Variants in OSBP2 observed in about 807,000 individuals in gnomAD.
OSBP2 encodes oxysterol binding protein 2.
In OSBP2, 66 loss-of-function variants were observed where a neutral mutation model predicts 96.0. That is an observed-to-expected ratio of 0.69 (90% CI 0.56 to 0.84). The LOEUF (loss-of-function observed/expected upper bound fraction) is 0.84, where lower values mean the gene tolerates loss of function less well. OSBP2 is among the 40% of genes least tolerant of loss of function. The pLI is 0.00. For synonymous variants in OSBP2, 525 were observed against 520.9 expected (o/e 1.01, Z -0.11); for missense variants, 1,038 against 1,222.7 (o/e 0.85, Z 2.25).
chr22:30,882,506 T>TTA (rs35296175), intron 3 of OSBP2, among the ~76,000 whole-genome samples: 2 of 142,430 alleles, frequency 1.4e-5, no homozygotes, highest in East Asian at 4.1e-4. Context: ...ATGCACACTA[T>TTA]AAAAAAAAAA....
intron 2 of OSBP2, among the ~76,000 whole-genome samples, chr22:30,843,447 C>CCG (rs1555919389): frequency 1.7e-5 from 2 of 117,822 alleles, no homozygotes; most frequent in East Asian, 2.2e-4. Flanking sequence ...GAATCTTTCC[C>CCG]CCCTCCCCCT....
chr22:30,838,642 AT>A (rs766019190), intron 2 of OSBP2, among the ~76,000 whole-genome samples: 1 of 151,980 alleles, frequency 6.6e-6, no homozygotes. Flanking sequence ...GTTCCCTTTT[AT>A]TCCTAGTTTT....
At chr22:30,840,873 G>A (rs1848322642) in intron 2 of OSBP2, among the ~76,000 whole-genome samples, 1 of 151,690 alleles carries the variant, frequency 6.6e-6, no homozygotes, top group South Asian at 2.1e-4. Context: ...CATTTAAAGT[G>A]TACAACGTGG....
At position 30,881,254 on chromosome 22, in the gene OSBP2, C is replaced by G. The variant is rs2039696665; in HGVS notation, c.1108-6172C>G. Among the ~76,000 whole-genome samples, 1 of 152,194 alleles carries G rather than the reference C, an allele frequency of 6.6e-6. No homozygotes were observed. The highest frequency in any genetic ancestry group is 6.5e-5 in the Admixed American group (1 of 15,288). ...CAGGGCCAGGACACTGGAACTCTGT[C>G]CCCACGCTGAGGACAATCAACCTGA... On this transcript the variant is annotated intron_variant, in intron 3 of 13. Transcript: ENST00000332585. The surrounding 1 kb of genome is among the most constrained non-coding windows in gnomAD (Gnocchi z 4.5).
At position 30,881,673 on chromosome 22, in the gene OSBP2, C is replaced by T; in HGVS notation, c.1108-5753C>T. 7.7e-7 allele frequency: 1 copy of T among 1,304,086 alleles called. No homozygotes were observed. The highest frequency in any genetic ancestry group is 1.0e-6 in the Non-Finnish European group (1 of 988,892). The allele number at this position is 1,304,086 out of a possible 1,614,324, so 80.8% of individuals were successfully genotyped here. On this transcript the variant is annotated intron_variant, in intron 3 of 13. Coordinates refer to ENST00000332585, the MANE Select transcript of OSBP2 (RefSeq NM_030758.4). The surrounding 1 kb of genome is among the most constrained non-coding windows in gnomAD (Gnocchi z 4.5). Reference sequence around the variant, plus strand: ...AGCTTATCAAGCACACAGCACACAGCCCAGCTCAGCATTCTGAGAACAGCA... The same window carrying T: ...AGCTTATCAAGCACACAGCACACAGTCCAGCTCAGCATTCTGAGAACAGCA...
At chr22:30,895,049 C>A (rs943690707) in intron 12 of OSBP2, among the ~76,000 whole-genome samples, 1 of 152,070 alleles carries the variant, frequency 6.6e-6, no homozygotes, top group African/African-American at 2.4e-5. Flanking sequence ...GCTGAATAAA[C>A]AAGAATAACG....
intron 2 of OSBP2, among the ~76,000 whole-genome samples, chr22:30,865,318 T>A (rs535707839): frequency 1.1e-4 from 17 of 152,186 alleles, no homozygotes; most frequent in African/African-American, 4.1e-4. Flanking sequence ...GCCTCTATGA[T>A]TTGAAGTAAA....
chr22:30,741,118 G>A, intron 1 of OSBP2, 43 bp from the exon 2 acceptor site: 1 of 1,479,374 alleles, frequency 6.8e-7, no homozygotes, highest in South Asian at 1.2e-5. Context: ...TGGAGCCATT[G>A]AGATTAGGAG....
Position 30,726,906 on chromosome 22 carries a change from C to T in OSBP2, c.645-14255C>T, listed in dbSNP as rs547971273. Reference sequence around the variant, plus strand: ...GTAGAGGCTTCTATTTGATGGGCAGCGGCTGACATTTGTGATGTTGAGCAT... The same window carrying T: ...GTAGAGGCTTCTATTTGATGGGCAGTGGCTGACATTTGTGATGTTGAGCAT... On this transcript the variant is annotated intron_variant, in intron 1 of 13. Transcript: ENST00000332585. 3.3e-5 allele frequency among the ~76,000 whole-genome samples: 5 copies of T among 152,252 alleles called. No individual in the cohort carries two copies. In the South Asian group the frequency reaches 8.3e-4, roughly 25 times the overall value.
chr22:30,894,008 A>AGGG lies in OSBP2; in HGVS notation c.2375+8_2375+10dup. On this transcript the variant is annotated splice_region_variant and intron_variant, in intron 12 of 13. Coordinates refer to ENST00000332585, the MANE Select transcript of OSBP2 (RefSeq NM_030758.4). ...GGAAGAAGTACCCGCTGCCGTGAGTAGGGCTGGCAGGGGCCCCGCCACAGG... is the reference window on the plus strand; with the variant it reads ...GGAAGAAGTACCCGCTGCCGTGAGTAGGGGGGCTGGCAGGGGCCCCGCCACAGG... 1 of 1,579,992 alleles carries AGGG rather than the reference A, an allele frequency of 6.3e-7. No individual in the cohort carries two copies.
rs1280670039 is a variant in OSBP2 at position 30,889,213 on chromosome 22, G to A, written c.1455G>A (p.Val485=). ...AAGGTAGCACCGGGACAAGTTCCGT[G>A]GACTGGAGCTCAGCAGACAATGTAA... ...KAEGSTGTSS[V]DWSSADNVLD... The change falls in exon 6 of 14, where the codon GTG becomes GTA. Residue 485 remains valine, a synonymous_variant. Transcript: ENST00000332585. 1.9e-6 allele frequency: 3 copies of A among 1,613,404 alleles called. No homozygotes were observed. The East Asian group carries it at 6.7e-5, about 36-fold the overall frequency.
intron 1 of OSBP2, among the ~76,000 whole-genome samples, chr22:30,710,653 C>T (rs1277112314): frequency 6.6e-6 from 1 of 151,934 alleles, no homozygotes; most frequent in African/African-American, 2.4e-5. Context: ...CTCTGTCACC[C>T]AGGGTGCTGT....
At chr22:30,749,313 A>G (rs1169269007) in intron 2 of OSBP2, among the ~76,000 whole-genome samples, 1 of 152,202 alleles carries the variant, frequency 6.6e-6, no homozygotes, top group African/African-American at 2.4e-5. Context: ...GTACTGGGAC[A>G]TTTCCATAAG....
intron 2 of OSBP2, among the ~76,000 whole-genome samples, chr22:30,800,365 G>A (rs762845515): frequency 2.6e-5 from 4 of 152,214 alleles, no homozygotes; most frequent in Admixed American, 2.0e-4. Context: ...GAAATGGTGA[G>A]CCAAGGAAGC....
intron 2 of OSBP2, among the ~76,000 whole-genome samples, chr22:30,759,484 G>A (rs1463365860): frequency 6.6e-6 from 1 of 151,950 alleles, no homozygotes; most frequent in Non-Finnish European, 1.5e-5. Flanking sequence ...CCAACATCAG[G>A]AATGAAATAA....
At chr22:30,812,257 CCA>C in intron 2 of OSBP2, among the ~76,000 whole-genome samples, 2 of 152,170 alleles carry the variant, frequency 1.3e-5, no homozygotes, top group East Asian at 3.9e-4. Context: ...CCTCCTGCTT[CCA>C]GGTTCAAGTG....
chr22:30,904,125 T>C (rs188784707), intron 12 of OSBP2, among the ~76,000 whole-genome samples: 1 of 152,096 alleles, frequency 6.6e-6, no homozygotes, highest in East Asian at 1.9e-4. Flanking sequence ...AGTTGGGGGG[T>C]GGCTGGCAGC....
chr22:30,895,453 A>G (rs2040042262), intron 12 of OSBP2, among the ~76,000 whole-genome samples: 1 of 152,324 alleles, frequency 6.6e-6, no homozygotes, highest in Admixed American at 6.5e-5. Flanking sequence ...GCTTCCAGGG[A>G]GGAGCAAAAG....
rs530169450 is a variant in OSBP2 at position 30,874,531 on chromosome 22, A to AG, written c.1107+3855dup. 2.3e-3 allele frequency among the ~76,000 whole-genome samples: 337 copies of AG among 148,204 alleles called. 3 individuals are homozygous for AG. The highest frequency in any genetic ancestry group is 7.6e-3 in the African/African-American group (309 of 40,888). On this transcript the variant is annotated intron_variant, in intron 3 of 13. Coordinates refer to ENST00000332585, the MANE Select transcript of OSBP2 (RefSeq NM_030758.4). ...TCAGCTCCTAGAAGGGCAGGGAGGG[A>AG]GGGGGGTCCTCTGGATGATTCCCGA...
Sources: gnomAD v4.1 joint callset for allele counts (sites outside exome capture counted in the v4.1 genomes callset) on GRCh38, gnomAD v4.1.1 for gene constraint, Gnocchi (gnomAD v3.1) non-coding constraint, MANE v1.5 for transcripts, NCBI Gene and HGNC (gene_info 2026-07-23, HGNC 2026-07-21) for gene names.